AMMECR1: variants seen among roughly 807,000 people sequenced by gnomAD.
AMMECR1 encodes nuclear protein AMMECR1.
A neutral mutation model predicts 22.5 loss-of-function variants in AMMECR1; 3 were observed. The observed-to-expected ratio is 0.13, with a 90% CI of 0.06 to 0.35. The LOEUF is 0.35. Among genes scored for constraint, AMMECR1 ranks in the 10% least tolerant of loss-of-function variants. AMMECR1 has a pLI of 1.00. For synonymous variants in AMMECR1, 130 were observed against 116.7 expected (o/e 1.11, Z -0.74); for missense variants, 235 against 278.7 (o/e 0.84, Z 1.12).
At chrX:110,219,681 A>G (rs1056567610) in intron 2 of AMMECR1, 5 of 601,135 alleles carry the variant, frequency 8.3e-6, no homozygotes, top group Middle Eastern at 1.0e-3. Context: ...TGAATGGGAT[A>G]AAATGACAAT....
chrX:110,371,213 T>G (rs1330902256), intron 2 of AMMECR1, among the ~76,000 whole-genome samples: 1 of 111,006 alleles, frequency 9.0e-6, no homozygotes, highest in Non-Finnish European at 1.9e-5. Context: ...CCTCTTTGTG[T>G]ACCCCCCGAG....
At chrX:110,216,717 AAG>A in intron 2 of AMMECR1, 85 bp from the exon 3 acceptor site, 1 of 581,153 alleles carries the variant, frequency 1.7e-6, no homozygotes, top group Non-Finnish European at 2.7e-6. Context: ...TGAAAAAGGT[AAG>A]AGTTTCAAAA....
In AMMECR1 at chrX:110,338,651, A is replaced by G. The variant is rs73250301; in HGVS notation, c.-147-20802T>C. Among the ~76,000 whole-genome samples, 63 of 112,246 alleles carry G rather than the reference A, an allele frequency of 5.6e-4. 1 individual carries two copies. Among genetic ancestry groups the G allele is most frequent in the South Asian group, 1.9e-3 (5 of 2,691 alleles). On this transcript the variant is annotated intron_variant, in intron 2 of 7. Coordinates refer to the AMMECR1 transcript ENST00000372057. The stretch of plus-strand genomic sequence containing the variant: ...AGGCTCCAGCTGCCCTCTGATATTC[A>G]TTATAATCAGGTTTCGCCTGTTTAC...
In AMMECR1 at chrX:110,255,890, T is replaced by C. The variant is rs879140597; in HGVS notation, c.584+8599A>G. The stretch of plus-strand genomic sequence containing the variant: ...AGTTTTCTGAACATCACACCAAGTG[T>C]AAATCTGTACCTTATGAATCCAAAT... On this transcript the variant is annotated intron_variant, in intron 2 of 5. Transcript: ENST00000262844. 3.6e-5 allele frequency among the ~76,000 whole-genome samples: 4 copies of C among 112,391 alleles called. No homozygotes were observed. The Admixed American group carries it at 3.8e-4, about 11-fold the overall frequency.
intron 2 of AMMECR1, among the ~76,000 whole-genome samples, chrX:110,249,893 G>A (rs1312931107): frequency 6.3e-5 from 7 of 110,279 alleles, no homozygotes; most frequent in Non-Finnish European, 1.1e-4. Flanking sequence ...AGCGAGACTC[G>A]GAAAGAAAGG....
chrX:110,311,594 A>T (rs979465708), intron 1 of AMMECR1, among the ~76,000 whole-genome samples: 4 of 111,795 alleles, frequency 3.6e-5, no homozygotes, highest in Non-Finnish European at 7.5e-5. Flanking sequence ...TCAATGTCTG[A>T]AACATTAAGA....
At chrX:110,343,336 C>T (rs184773591) in intron 2 of AMMECR1, among the ~76,000 whole-genome samples, 1,827 of 111,409 alleles carry the variant, frequency 0.016, 16 homozygotes, top group Middle Eastern at 0.05. Flanking sequence ...ATGGATGGGA[C>T]GTATCTCAAA....
At chrX:110,312,836 T>C (rs2068029834) in intron 1 of AMMECR1, among the ~76,000 whole-genome samples, 1 of 111,948 alleles carries the variant, frequency 8.9e-6, no homozygotes, top group Non-Finnish European at 1.9e-5. Flanking sequence ...GACAGTGTTT[T>C]GCTTTTATAA....
intron 2 of AMMECR1, among the ~76,000 whole-genome samples, chrX:110,400,257 A>T (rs1473426337): frequency 9.4e-6 from 1 of 106,044 alleles, no homozygotes; most frequent in African/African-American, 3.5e-5. Context: ...CTGCCAGGCT[A>T]AATGTTCAAA....
intron 3 of AMMECR1, among the ~76,000 whole-genome samples, chrX:110,208,123 A>G (rs1348699415): frequency 1.8e-5 from 2 of 112,418 alleles, no homozygotes; most frequent in Non-Finnish European, 3.8e-5. Flanking sequence ...CAACTGAGAT[A>G]CCACCACAGA....
intron 1 of AMMECR1, among the ~76,000 whole-genome samples, chrX:110,308,374 G>A (rs1272596308): frequency 9.0e-6 from 1 of 110,772 alleles, no homozygotes; most frequent in Non-Finnish European, 1.9e-5. Flanking sequence ...TATGCCCTCT[G>A]TCCCTGCCTC....
chrX:110,241,793 A>G (rs987502173), intron 2 of AMMECR1, among the ~76,000 whole-genome samples: 22 of 111,966 alleles, frequency 2.0e-4, no homozygotes, highest in African/African-American at 7.2e-4. Context: ...CGACACACAA[A>G]AAAAACAAAC....
intron 2 of AMMECR1, among the ~76,000 whole-genome samples, chrX:110,397,581 C>T (rs2068536074): frequency 9.0e-6 from 1 of 110,785 alleles, no homozygotes; most frequent in African/African-American, 3.3e-5. Flanking sequence ...GTCAGCAGTG[C>T]CAGAGCCACA....
chrX:110,432,724 C>A (rs2068807023), intron 1 of AMMECR1, among the ~76,000 whole-genome samples: 1 of 112,004 alleles, frequency 8.9e-6, no homozygotes, highest in South Asian at 3.8e-4. Flanking sequence ...CAAATATAGG[C>A]CCCCATATGT....
At chrX:110,370,786 A>T (rs2068332987) in intron 2 of AMMECR1, among the ~76,000 whole-genome samples, 1 of 112,230 alleles carries the variant, frequency 8.9e-6, no homozygotes, top group African/African-American at 3.2e-5. Context: ...TTCACATTCA[A>T]ACTCACATAT....
At chrX:110,367,524 C>G (rs1276343916) in intron 2 of AMMECR1, among the ~76,000 whole-genome samples, 1 of 111,434 alleles carries the variant, frequency 9.0e-6, no homozygotes, top group Non-Finnish European at 1.9e-5. Context: ...CACTTGGCTT[C>G]CAGGACACCA....
At chrX:110,414,060 G>A (rs1043834606) in intron 2 of AMMECR1, among the ~76,000 whole-genome samples, 19 of 111,672 alleles carry the variant, frequency 1.7e-4, no homozygotes, top group African/African-American at 5.9e-4. Context: ...AGAATCTTGC[G>A]TATATCCCCA....
chrX:110,299,759 T>A (rs191418046), intron 1 of AMMECR1, among the ~76,000 whole-genome samples: 3 of 112,172 alleles, frequency 2.7e-5, no homozygotes, highest in African/African-American at 9.7e-5. Flanking sequence ...TGAGTTTAAC[T>A]TTTTTAGACT....
At chrX:110,281,183 A>AT (rs1484085143) in intron 1 of AMMECR1, among the ~76,000 whole-genome samples, 10 of 112,367 alleles carry the variant, frequency 8.9e-5, no homozygotes, top group Non-Finnish European at 1.9e-4. Context: ...GACTGTCTTA[A>AT]TTTAAGGTCA....
Sources: gnomAD v4.1 joint callset for allele counts (sites outside exome capture counted in the v4.1 genomes callset) on GRCh38, gnomAD v4.1.1 for gene constraint, MANE v1.5 for transcripts, NCBI Gene and HGNC (gene_info 2026-07-23, HGNC 2026-07-21) for gene names.